SNX29: variants seen among roughly 807,000 people sequenced by gnomAD.
SNX29 encodes the protein sorting nexin 29, also known as sorting nexin-29.
Under a neutral mutation model 102.1 loss-of-function variants are expected in SNX29, and 78 were observed. That is an observed-to-expected ratio of 0.76 (90% CI 0.64 to 0.92). The LOEUF (loss-of-function observed/expected upper bound fraction) is 0.92. SNX29 is among the 40% of genes least tolerant of loss of function. SNX29 has a pLI of 0.00. For synonymous variants in SNX29, 580 were observed against 414.5 expected, an observed-to-expected ratio of 1.40 and a Z score of -4.85; for missense variants, 1,280 against 1,061.7, an observed-to-expected ratio of 1.21 and a Z score of -2.86.
chr16:12,403,844 T>C (rs1270401322), intron 18 of SNX29, among the ~76,000 whole-genome samples: 1 of 152,158 alleles, frequency 6.6e-6, no homozygotes, highest in Non-Finnish European at 1.5e-5. Flanking sequence ...CAGTGGTAGG[T>C]CGGGCCTTGG....
rs374826284 is a variant in SNX29 at position 12,440,181 on chromosome 16, T to G, written c.2037+36652T>G. On this transcript the variant is annotated intron_variant, in intron 18 of 20. Transcript: ENST00000566228. The stretch of plus-strand genomic sequence containing the variant: ...TGTCACATCCTCCCTCCCCTTGCCT[T>G]GAGCTTCAGCCTTCTCTCTTTCTCC... Among the ~76,000 whole-genome samples the G allele has an allele frequency of 5.6e-4, 86 of 152,340 alleles. 2 individuals carry two copies. In the South Asian group the frequency reaches 0.018, roughly 31 times the overall value.
intron 18 of SNX29, among the ~76,000 whole-genome samples, chr16:12,471,126 A>G (rs910316392): frequency 7.2e-5 from 11 of 151,952 alleles, no homozygotes; most frequent in African/African-American, 2.7e-4. Flanking sequence ...GCCCGTTCCT[A>G]TGCTTGGCAC....
At chr16:12,399,237 A>G (rs995134315) in intron 17 of SNX29, among the ~76,000 whole-genome samples, 2 of 152,006 alleles carry the variant, frequency 1.3e-5, no homozygotes, top group African/African-American at 4.8e-5. Flanking sequence ...TTTTTACTAG[A>G]GATGGGGTTT....
At chr16:12,311,547 C>T (rs1321458710) in intron 15 of SNX29, among the ~76,000 whole-genome samples, 2 of 152,250 alleles carry the variant, frequency 1.3e-5, no homozygotes, top group Non-Finnish European at 2.9e-5. Context: ...CTCCCTCTGC[C>T]TGAAATGCTC....
intron 15 of SNX29, among the ~76,000 whole-genome samples, chr16:12,335,887 A>C (rs541081207): frequency 1.5e-4 from 23 of 152,168 alleles, no homozygotes; most frequent in Non-Finnish European, 4.4e-5. Flanking sequence ...GCTCAAGCTC[A>C]TGTGGCTCAT....
chr16:12,075,856 G>T (rs549515793), intron 10 of SNX29, among the ~76,000 whole-genome samples: 4 of 152,322 alleles, frequency 2.6e-5, no homozygotes, highest in African/African-American at 9.6e-5. Flanking sequence ...TTACCTAAGG[G>T]AGCCTGGGCA....
In SNX29 at chr16:12,572,868, G is replaced by C. The variant is rs562323254; in HGVS notation, c.*4239G>C. On this transcript the variant is annotated 3_prime_UTR_variant, in exon 21 of 21. Transcript: ENST00000566228. The stretch of plus-strand genomic sequence containing the variant: ...CCCAGGTTTCAGCCCTAAAGGTAAT[G>C]ATTGTCTTGACTCTGCCTTGGCATT... 13 of 1,062,972 alleles carry C rather than the reference G, an allele frequency of 1.2e-5. No individual in the cohort carries two copies. In the African/African-American group the frequency reaches 1.3e-4, roughly 11 times the overall value. 65.8% of individuals were successfully genotyped at this position (1,062,972 alleles called of 1,614,324 possible).
chr16:12,061,787 C>T (rs186245704), intron 9 of SNX29, 141 bp downstream of exon 9: 64 of 674,488 alleles, frequency 9.5e-5, no homozygotes, highest in Non-Finnish European at 1.5e-4. Flanking sequence ...CCAGGGGGAG[C>T]TCACTGAGAT....
At chr16:12,439,520 G>A (rs962228294) in intron 18 of SNX29, among the ~76,000 whole-genome samples, 1 of 152,206 alleles carries the variant, frequency 6.6e-6, no homozygotes, top group African/African-American at 2.4e-5. Context: ...CATCTCACAT[G>A]GTGGCAGACA....
At chr16:12,563,955 CGAG>C (rs984841549) in intron 20 of SNX29, among the ~76,000 whole-genome samples, 2 of 152,018 alleles carry the variant, frequency 1.3e-5, no homozygotes, top group African/African-American at 4.8e-5. Context: ...TCAAGAAAGA[CGAG>C]GAAGGGCTTT....
intron 18 of SNX29, among the ~76,000 whole-genome samples, chr16:12,445,381 C>T (rs927241409): frequency 2.0e-5 from 3 of 152,106 alleles, no homozygotes; most frequent in African/African-American, 7.2e-5. Context: ...GCTGAGCCGT[C>T]CTCCATTCTA....
At chr16:12,163,719 C>CAA (rs2141685592) in intron 13 of SNX29, among the ~76,000 whole-genome samples, 1 of 152,262 alleles carries the variant, frequency 6.6e-6, no homozygotes, top group Admixed American at 6.5e-5. Flanking sequence ...TTAAACCGAA[C>CAA]CTTTTGTTCA....
intron 1 of SNX29, among the ~76,000 whole-genome samples, chr16:11,995,148 C>T (rs2056013934): frequency 1.3e-5 from 2 of 152,204 alleles, no homozygotes; most frequent in Admixed American, 6.5e-5. Context: ...TCACTGTAAC[C>T]TCCGTCTCCC....
Position 12,126,694 on chromosome 16 carries a change from C to G in SNX29, c.1464C>G (p.Asn488Lys). Residue 488 changes from asparagine to lysine, a missense_variant and splice_region_variant, in exon 12 of 21, where the codon AAC (asparagine) becomes AAG (lysine). Coordinates refer to ENST00000566228, the MANE Select transcript of SNX29 (RefSeq NM_032167.5). ...MNRKDELEEENRSLRNLLDGE... is the reference protein window; with the variant it reads ...MNRKDELEEEKRSLRNLLDGE... ...GGAAGGATGAGCTGGAGGAGGAGAA[C>G]AGGTACCGTGATTTTCAGGCTTGAG... 2 of 1,613,950 alleles carry G rather than the reference C, an allele frequency of 1.2e-6. No individual in the cohort carries two copies.
chr16:12,181,747 C>T (rs990029029), intron 13 of SNX29, among the ~76,000 whole-genome samples: 7 of 152,062 alleles, frequency 4.6e-5, no homozygotes, highest in Admixed American at 6.6e-5. Flanking sequence ...TCAGATCTGT[C>T]GCTTGCCTCT....
At chr16:12,117,090 G>A (rs867494732) in intron 11 of SNX29, among the ~76,000 whole-genome samples, 1 of 125,074 alleles carries the variant, frequency 8.0e-6, no homozygotes, top group Non-Finnish European at 1.8e-5. Flanking sequence ...AACAGGCGTG[G>A]TCAATACGTG....
intron 18 of SNX29, among the ~76,000 whole-genome samples, chr16:12,446,180 T>G (rs1329104251): frequency 2.0e-5 from 3 of 151,450 alleles, no homozygotes; most frequent in Non-Finnish European, 4.4e-5. Flanking sequence ...TTCTGCCTCC[T>G]GAGTAGCTGG....
intron 13 of SNX29, among the ~76,000 whole-genome samples, chr16:12,163,346 A>G (rs901636141): frequency 1.3e-5 from 2 of 152,050 alleles, no homozygotes; most frequent in Non-Finnish European, 2.9e-5. Flanking sequence ...GTGGGGTAGC[A>G]GGGAGGAGGG....
At chr16:12,559,008 A>G (rs78070124) in intron 20 of SNX29, among the ~76,000 whole-genome samples, 1,890 of 152,268 alleles carry the variant, frequency 0.012, 36 homozygotes, top group African/African-American at 0.042. Context: ...GTTATGGGGG[A>G]GAGAGACAAA....
Sources: gnomAD v4.1 joint callset for allele counts (sites outside exome capture counted in the v4.1 genomes callset) on GRCh38, gnomAD v4.1.1 for gene constraint, MANE v1.5 for transcripts, NCBI Gene and HGNC (gene_info 2026-07-23, HGNC 2026-07-21) for gene names.